Variants in FHIT observed in about 807,000 individuals in gnomAD.
FHIT encodes bis(5'-adenosyl)-triphosphatase.
Under a neutral mutation model 17.9 loss-of-function variants are expected in FHIT, and 19 were observed. The ratio of observed to expected loss-of-function variants is 1.06; its 90% CI spans 0.74 to 1.56. The LOEUF is 1.56. Ranked by LOEUF, FHIT falls within the 40% of genes most tolerant of loss-of-function variation. FHIT has a pLI of 0.00. For synonymous variants in FHIT, 81 were observed against 69.7 expected, an observed-to-expected ratio of 1.16 and a Z score of -0.81; for missense variants, 248 against 189.2, an observed-to-expected ratio of 1.31 and a Z score of -1.82.
At chr3:61,179,340 C>T (rs895670127) in intron 2 of FHIT, among the ~76,000 whole-genome samples, 3 of 152,012 alleles carry the variant, frequency 2.0e-5, no homozygotes, top group African/African-American at 7.2e-5. Flanking sequence ...ACAAAAAGAT[C>T]ATTCCGAATT....
chr3:59,939,359 A>G (rs923987814), intron 7 of FHIT, among the ~76,000 whole-genome samples: 2 of 152,148 alleles, frequency 1.3e-5, no homozygotes, highest in Non-Finnish European at 2.9e-5. Flanking sequence ...ACCCTACACT[A>G]ACAGAGGGAA....
chr3:61,010,492 G>T (rs577439336), intron 3 of FHIT, among the ~76,000 whole-genome samples: 1 of 152,250 alleles, frequency 6.6e-6, no homozygotes, highest in African/African-American at 2.4e-5. Flanking sequence ...CTAATGTTTA[G>T]AAAGGTTAAG....
Position 60,723,778 on chromosome 3 carries a change from C to T in FHIT, c.-18+98141G>A, listed in dbSNP as rs1175230484. 2.0e-5 allele frequency among the ~76,000 whole-genome samples: 3 copies of T among 152,278 alleles called. No individual in the cohort carries two copies. The East Asian group carries it at 5.8e-4, about 29-fold the overall frequency. On this transcript the variant is annotated intron_variant, in intron 4 of 9. Transcript: ENST00000492590. ...CCTCCTAGAGATTTACAGAACCTTG[C>T]AAGTGGTCTTGGGGACCACCAATGC...
chr3:60,523,429 A>G (rs2035449339), intron 5 of FHIT, among the ~76,000 whole-genome samples: 1 of 152,198 alleles, frequency 6.6e-6, no homozygotes, highest in South Asian at 2.1e-4. Context: ...AAAATTGTCT[A>G]ATGGAAATTT....
chr3:60,993,115 C>T (rs553833315), intron 3 of FHIT, among the ~76,000 whole-genome samples: 1 of 152,322 alleles, frequency 6.6e-6, no homozygotes, highest in East Asian at 1.9e-4. Context: ...GCTAGAAATA[C>T]ATGCTCACTA....
intron 4 of FHIT, among the ~76,000 whole-genome samples, chr3:60,803,267 T>A (rs1254970457): frequency 6.6e-6 from 1 of 152,192 alleles, no homozygotes; most frequent in Non-Finnish European, 1.5e-5. Context: ...TCTGTGAGCA[T>A]GAGTTGTGTG....
At chr3:60,312,367 C>T (rs1708987652) in intron 5 of FHIT, among the ~76,000 whole-genome samples, 1 of 152,048 alleles carries the variant, frequency 6.6e-6, no homozygotes, top group African/African-American at 2.4e-5. Flanking sequence ...GTCTCGAACT[C>T]CTGAGCACAA....
chr3:59,752,175 T>G, intron 9 of FHIT, 46 bp downstream of exon 9: 2 of 1,377,066 alleles, frequency 1.5e-6, no homozygotes, highest in Non-Finnish European at 2.0e-6. Context: ...GCCTCTTTCC[T>G]GAGGCCCACG....
At chr3:60,672,307 C>T (rs372173424) in intron 4 of FHIT, among the ~76,000 whole-genome samples, 1 of 150,450 alleles carries the variant, frequency 6.6e-6, no homozygotes, top group South Asian at 2.1e-4. Context: ...AGAGAGTTAG[C>T]GAAGGGAGAT....
chr3:60,536,168 A>G (rs2035973261), intron 5 of FHIT: 1 of 152,164 alleles, frequency 6.6e-6, no homozygotes, highest in Non-Finnish European at 1.5e-5. Flanking sequence ...CATTTCACCA[A>G]TACTTGTTAT....
chr3:60,584,349 C>T (rs1191033925), intron 4 of FHIT, among the ~76,000 whole-genome samples: 2 of 152,074 alleles, frequency 1.3e-5, no homozygotes, highest in East Asian at 1.9e-4. Flanking sequence ...CTATCCATTA[C>T]CCCTTTCCAA....
intron 4 of FHIT, among the ~76,000 whole-genome samples, chr3:60,793,427 CTA>C (rs1700858143): frequency 6.6e-6 from 1 of 152,068 alleles, no homozygotes; most frequent in East Asian, 1.9e-4. Context: ...CTCAGCCACC[CTA>C]GTGGTTGGGA....
At chr3:61,152,601 A>G (rs772085863) in intron 2 of FHIT, among the ~76,000 whole-genome samples, 30 of 152,164 alleles carry the variant, frequency 2.0e-4, no homozygotes, top group Admixed American at 5.2e-4. Context: ...GGTTGGAGAA[A>G]GAGGTAGAGC....
intron 5 of FHIT, among the ~76,000 whole-genome samples, chr3:60,197,202 T>C (rs947731120): frequency 3.3e-5 from 5 of 152,176 alleles, no homozygotes; most frequent in African/African-American, 7.2e-5. Context: ...ATTCTGCCCA[T>C]AGTAGTCCCT....
chr3:59,771,336 T>C (rs7615466), intron 8 of FHIT, among the ~76,000 whole-genome samples: 3,801 of 152,252 alleles, frequency 0.025, 182 homozygotes, highest in African/African-American at 0.086. Flanking sequence ...GGGGAAAAGA[T>C]ACAACCTTTA....
intron 2 of FHIT, among the ~76,000 whole-genome samples, chr3:61,125,916 A>G (rs553476449): frequency 2.6e-5 from 4 of 152,328 alleles, no homozygotes; most frequent in African/African-American, 9.6e-5. Flanking sequence ...TCTCCAGTCC[A>G]TATACACTGT....
intron 1 of FHIT, among the ~76,000 whole-genome samples, chr3:61,230,020 GGCT>G (rs2040059493): frequency 1.3e-5 from 2 of 152,204 alleles, no homozygotes; most frequent in African/African-American, 4.8e-5. Context: ...CACAGGGTTT[GGCT>G]GCTACCTTAA....
At chr3:60,395,923 A>T (rs762487330) in intron 5 of FHIT, among the ~76,000 whole-genome samples, 3 of 152,198 alleles carry the variant, frequency 2.0e-5, no homozygotes, top group South Asian at 4.1e-4. Flanking sequence ...ATCCTTAAAA[A>T]GACACAGACT....
chr3:60,172,369 G>C (rs965500049), intron 5 of FHIT, among the ~76,000 whole-genome samples: 1 of 151,860 alleles, frequency 6.6e-6, no homozygotes, highest in East Asian at 1.9e-4. Context: ...AGGTTTGAGT[G>C]ATTCTCCTGC....
Sources: allele counts gnomAD v4.1 joint callset (sites outside exome capture counted in the v4.1 genomes callset), GRCh38; gene constraint gnomAD v4.1.1; transcripts MANE v1.5; gene names NCBI Gene and HGNC (gene_info 2026-07-23, HGNC 2026-07-21).